The following NT5DC2 variants were observed in gnomAD, a reference collection of about 807,000 sequenced individuals.
NT5DC2 encodes the protein 5'-nucleotidase domain-containing protein 2.
Under a neutral mutation model 70.0 loss-of-function variants are expected in NT5DC2, and 41 were observed. The ratio of observed to expected loss-of-function variants is 0.59; its 90% CI spans 0.46 to 0.76. The LOEUF (loss-of-function observed/expected upper bound fraction) is 0.76. Ranked by LOEUF, NT5DC2 falls within the 30% of genes least tolerant of loss-of-function variation. NT5DC2 has a pLI of 0.00. For synonymous variants in NT5DC2, 299 were observed against 310.4 expected (o/e 0.96, Z 0.39); for missense variants, 705 against 783.2 (o/e 0.90, Z 1.19).
At position 52,524,632 on chromosome 3, in the gene NT5DC2, G is replaced by T; in HGVS notation, c.1512C>A (p.Asp504Glu). Residue 504 changes from aspartate to glutamate, a missense_variant, in exon 14 of 14, where the codon GAC becomes GAA. Asp to Glu is a conservative substitution (Grantham distance 45). Coordinates refer to ENST00000422318, the MANE Select transcript of NT5DC2 (RefSeq NM_001134231.2). ...GGCAGCTGAGGGAGGCCATGTAGAG[G>T]TCAGAGAAGCGCACGAGGCGCCTTG... is the stretch of plus-strand genomic sequence containing the variant. ...YFSRRLVRFS[D>E]LYMASLSCLL... 6.2e-7 allele frequency: 1 copy of T among 1,613,174 alleles called. No individual in the cohort carries two copies. The highest frequency in any genetic ancestry group is 8.5e-7 in the Non-Finnish European group (1 of 1,180,030).
chr3:52,528,365 G>C (rs199782369), intron 5 of NT5DC2, 54 bp from the exon 6 acceptor site: 2 of 1,613,088 alleles, frequency 1.2e-6, no homozygotes, highest in Non-Finnish European at 1.7e-6. Flanking sequence ...CCCCTTCAGT[G>C]CTGGAGACGA....
Position 52,524,398 on chromosome 3 carries a change from C to T in NT5DC2, c.*72G>A. On this transcript the variant is annotated 3_prime_UTR_variant, in exon 14 of 14. Transcript: ENST00000422318. ...AGCAGAAGCATGCACAGGGAGGAGA[C>T]CACTTTTATTGCTTGTCTGGGTGGA... 6.2e-7 allele frequency: 1 copy of T among 1,612,754 alleles called. No individual in the cohort carries two copies. Among genetic ancestry groups the T allele is most frequent in the Non-Finnish European group, 8.5e-7 (1 of 1,179,510 alleles).
upstream of NT5DC2, chr3:52,534,808 G>T: frequency 2.3e-6 from 2 of 887,148 alleles, no homozygotes; most frequent in Non-Finnish European, 3.4e-6. Context: ...TTCAGGGTGT[G>T]TGTACATTCG....
In NT5DC2 at chr3:52,529,275, CGTTGTT is replaced by C; in HGVS notation, c.286_291del (p.Asn96_Asn97del). 1 of 1,613,922 alleles carries C rather than the reference CGTTGTT, an allele frequency of 6.2e-7. No homozygotes were observed. The highest frequency in any genetic ancestry group is 8.5e-7 in the Non-Finnish European group (1 of 1,179,998). On this transcript the variant is annotated inframe_deletion, in exon 2 of 14. Transcript: ENST00000422318. This position sits in a 1 kb window ranked among gnomAD's most constrained non-coding sequence, Gnocchi z 4.1. ...ACCTCAACGTCACGCAGGCTGATCT[CGTTGTT>C]GGCGTAGATGGCTGCTGGGTTCAGG...
At chr3:52,528,766 C>T in intron 3 of NT5DC2, 74 bp from the exon 4 acceptor site, 1 of 1,604,092 alleles carries the variant, frequency 6.2e-7, no homozygotes, top group East Asian at 2.2e-5. Context: ...CCTCTTTCAG[C>T]CCATGCCAGA....
rs201339818 is a variant in NT5DC2, at chr3:52,528,550, C to T, written c.549-11G>A. On this transcript the variant is annotated splice_polypyrimidine_tract_variant and intron_variant, in intron 4 of 13. Transcript: ENST00000422318. ...ACAGGCTGGAGGCCCCTGAGCAGGC[C>T]CAAGATACCATCAGTCCAAGGTAGT... The T allele has an allele frequency of 5.6e-6, 9 of 1,605,752 alleles. No individual in the cohort carries two copies. Among genetic ancestry groups the T allele is most frequent in the East Asian group, 2.3e-5 (1 of 44,442 alleles).
At chr3:52,527,968 C>T (rs1476413001) in intron 7 of NT5DC2, 37 bp from the exon 8 acceptor site, 1 of 1,613,442 alleles carries the variant, frequency 6.2e-7, no homozygotes, top group South Asian at 1.1e-5. Context: ...GTCAGTCCTG[C>T]CACCTGCTCA....
rs1204911047 is a variant in NT5DC2 at position 52,525,073 on chromosome 3, C to T, written c.1237G>A (p.Gly413Ser). The T allele has an allele frequency of 1.0e-5, 15 of 1,500,528 alleles. No homozygotes were observed. Among genetic ancestry groups the T allele is most frequent in the Non-Finnish European group, 1.4e-5 (15 of 1,110,986 alleles). 93.0% of individuals were successfully genotyped at this position (1,500,528 alleles called of 1,614,324 possible). A position where few individuals can be genotyped will look rare whatever the true frequency, so the allele number is the denominator to read the frequency against. The change falls in exon 12 of 14, where the codon GGC (glycine) becomes AGC (serine). Residue 413 changes from glycine to serine, a missense_variant. Coordinates refer to ENST00000422318, the MANE Select transcript of NT5DC2 (RefSeq NM_001134231.2). The stretch of plus-strand genomic sequence containing the variant: ...CGCTCCAGCTCGGGGATGATGGCGC[C>T]TGTGCGCCAGCCGTGCCGCAGCATG... ...DLMLRHGWRT[G>S]AIIPELEREI...
upstream of NT5DC2, chr3:52,534,536 T>G (rs1305078667): frequency 6.2e-7 from 1 of 1,613,306 alleles, no homozygotes; most frequent in Non-Finnish European, 8.5e-7. Context: ...CACTGACCCG[T>G]CAACTCCCGG....
chr3:52,533,028 G>A (rs1160304632), intron 1 of NT5DC2, among the ~76,000 whole-genome samples: 1 of 152,208 alleles, frequency 6.6e-6, no homozygotes, highest in African/African-American at 2.4e-5. Flanking sequence ...GGACCTCCAG[G>A]GCGACATCGA....
At chr3:52,532,971 G>T (rs558884729) in intron 1 of NT5DC2, among the ~76,000 whole-genome samples, 32 of 152,312 alleles carry the variant, frequency 2.1e-4, no homozygotes, top group Non-Finnish European at 5.9e-5. Context: ...GGGGGCGGGG[G>T]TGACTTGGCT....
chr3:52,525,872 A>G (rs950223478), intron 10 of NT5DC2: 1 of 153,390 alleles, frequency 6.5e-6, no homozygotes, highest in Non-Finnish European at 1.5e-5. Flanking sequence ...ATTGACACCC[A>G]GCAAGCACAG....
At chr3:52,526,869 C>T (rs1360281974) in intron 10 of NT5DC2, among the ~76,000 whole-genome samples, 1 of 152,198 alleles carries the variant, frequency 6.6e-6, no homozygotes, top group Non-Finnish European at 1.5e-5. Flanking sequence ...CCATGTTGGC[C>T]AGGCTGGTCT....
In NT5DC2 at chr3:52,533,595, C is replaced by T. The variant is rs1226898750; in HGVS notation, c.143G>A (p.Arg48His). 3.9e-6 allele frequency: 5 copies of T among 1,276,600 alleles called. No individual in the cohort carries two copies. In the Admixed American group the frequency reaches 1.3e-4, roughly 32 times the overall value. The allele number at this position is 1,276,600 out of a possible 1,614,324, so 79.1% of individuals were successfully genotyped here. The change falls in exon 1 of 14, where the codon CGC (arginine) becomes CAC (histidine). Residue 48 changes from arginine (R) to histidine (H), a missense_variant. Coordinates refer to ENST00000422318, the MANE Select transcript of NT5DC2 (RefSeq NM_001134231.2). ...GPGAHCPGVP[R>H]SAPAQAPTSG... ...GGTGGGTGCCTGGGCGGGCGCGGAG[C>T]GCGGGACGCCGGGGCAGTGGGCGCC... is the stretch of plus-strand genomic sequence containing the variant.
At position 52,528,219 on chromosome 3, in the gene NT5DC2, C is replaced by T. The variant is rs1178636227; in HGVS notation, c.735G>A (p.Leu245=). The T allele has an allele frequency of 1.9e-6, 3 of 1,613,212 alleles. No homozygotes were observed. Among genetic ancestry groups the T allele is most frequent in the Admixed American group, 3.3e-5 (2 of 60,004 alleles). Residue 245 remains leucine, a synonymous_variant, in exon 6 of 14, where the codon CTG becomes CTA. Transcript: ENST00000422318. The part of the protein sequence containing the change: ...CVVDYFLGHS[L]EFDQAHLYKD... The stretch of plus-strand genomic sequence containing the variant: ...TGTAGAGATGTGCTTGGTCAAACTC[C>T]AGGCTGTGGCCCAGAAAGTAGTCCA...
Position 52,533,764 on chromosome 3 carries a change from CG to C in NT5DC2, c.-28del, listed in dbSNP as rs1228146114. 2.5e-5 allele frequency: 24 copies of C among 969,474 alleles called. No individual in the cohort carries two copies. The highest frequency in any genetic ancestry group is 5.5e-5 in the African/African-American group (3 of 54,360). 60.1% of individuals were successfully genotyped at this position (969,474 alleles called of 1,614,324 possible). On this transcript the variant is annotated 5_prime_UTR_variant, in exon 1 of 14. Coordinates refer to ENST00000422318, the MANE Select transcript of NT5DC2 (RefSeq NM_001134231.2). ...CCCACCGCGCGCCGCCCGCCGCCCG[CG>C]CTGCCCTCGGCCAGCCCGCCGCCCG...
At chr3:52,530,166 A>T (rs1211169603) in intron 1 of NT5DC2, among the ~76,000 whole-genome samples, 1 of 152,188 alleles carries the variant, frequency 6.6e-6, no homozygotes, top group African/African-American at 2.4e-5. Flanking sequence ...GCTAATTACG[A>T]CAGTCAGGAC....
Position 52,524,472 on chromosome 3 carries a change from A to G in NT5DC2, c.1672T>C (p.Ter558ArgextTer22), listed in dbSNP as rs1211455171. Residue 558 changes from the stop codon to arginine, a stop_lost, in exon 14 of 14, where the codon TGA becomes CGA. Transcript: ENST00000422318. Reference sequence around the variant, plus strand: ...TGTCCCAGACAATAAAGGTGCCCTCAGCGGATGTGGGCCATGTCACCAAGG... The same window carrying G: ...TGTCCCAGACAATAAAGGTGCCCTCGGCGGATGTGGGCCATGTCACCAAGG... ...PFLGDMAHIR* is the reference protein window; with the variant it reads ...PFLGDMAHIRR 1.1e-5 allele frequency: 17 copies of G among 1,612,684 alleles called. No homozygotes were observed. Among genetic ancestry groups the G allele is most frequent in the Non-Finnish European group, 1.4e-5 (16 of 1,179,990 alleles).
chr3:52,524,568 G>A lies in NT5DC2; in HGVS notation c.1576C>T (p.Arg526Cys), dbSNP rs761530288. The A allele has an allele frequency of 4.1e-5, 66 of 1,613,010 alleles. No individual in the cohort carries two copies. The highest frequency in any genetic ancestry group is 5.3e-5 in the Non-Finnish European group (63 of 1,180,042). Reference protein sequence around the residue: ...YRVDFTFYPRRTPLQHEAPLW... With the variant: ...YRVDFTFYPRCTPLQHEAPLW... Reference sequence around the variant, plus strand: ...GGTGCCTCGTGCTGCAGCGGCGTACGGCGTGGGTAGAAGGTGAAGTCCACG... The same window carrying A: ...GGTGCCTCGTGCTGCAGCGGCGTACAGCGTGGGTAGAAGGTGAAGTCCACG... The change falls in exon 14 of 14, where the codon CGT becomes TGT. Residue 526 changes from arginine (R) to cysteine (C), a missense_variant. Physicochemically the swap from Arg to Cys is radical, Grantham distance 180 (BLOSUM62 -3). Coordinates refer to ENST00000422318, the MANE Select transcript of NT5DC2 (RefSeq NM_001134231.2).
Sources: allele counts gnomAD v4.1 joint callset (sites outside exome capture counted in the v4.1 genomes callset), GRCh38; gene constraint gnomAD v4.1.1; non-coding constraint Gnocchi (gnomAD v3.1); transcripts MANE v1.5; gene names NCBI Gene and HGNC (gene_info 2026-07-23, HGNC 2026-07-21).